Variants in ROBO2 observed in about 807,000 individuals in gnomAD.
ROBO2 encodes the protein roundabout homolog 2.
ROBO2 carries 53 observed loss-of-function variants against 160.8 expected under a neutral mutation model. That is an observed-to-expected ratio of 0.33 (90% confidence interval 0.26 to 0.41). The LOEUF (loss-of-function observed/expected upper bound fraction) is 0.41, where lower values mean the gene tolerates loss of function less well. Among genes scored for constraint, ROBO2 ranks in the 10% least tolerant of loss-of-function variants. The probability of loss-of-function intolerance (pLI) is 1.00; values close to 1 mark genes in which losing one functional copy is unlikely to be tolerated. For missense variants in ROBO2, 1,577 were observed against 1,722.4 expected, an observed-to-expected ratio of 0.92 and a Z score of 1.49; for synonymous variants, 664 against 611.7, an observed-to-expected ratio of 1.09 and a Z score of -1.26.
intron 1 of ROBO2, among the ~76,000 whole-genome samples, chr3:75,931,011 G>A (rs1947508894): frequency 6.6e-6 from 1 of 152,182 alleles, no homozygotes; most frequent in African/African-American, 2.4e-5. Flanking sequence ...CTTTTCTGGT[G>A]TACTTGGACT....
At chr3:77,352,412 A>G (rs2068480448) in intron 2 of ROBO2, among the ~76,000 whole-genome samples, 1 of 152,154 alleles carries the variant, frequency 6.6e-6, no homozygotes, top group Non-Finnish European at 1.5e-5. Flanking sequence ...TCCTGTGTCT[A>G]TACACAGCAG....
chr3:76,394,481 C>A lies in ROBO2; in HGVS notation c.109+456879C>A, dbSNP rs574348176. Among the ~76,000 whole-genome samples the A allele has an allele frequency of 3.3e-5, 5 of 152,036 alleles. No homozygotes were observed. The East Asian group carries it at 7.7e-4, about 24-fold the overall frequency. ...CTCTTCTGGCTTGTAGAGTTTCTGC[C>A]GAGAGATCAGCTGTTAGTCTGATGG... On this transcript the variant is annotated intron_variant, in intron 2 of 26. Coordinates refer to the ROBO2 transcript ENST00000487694.
At chr3:77,464,877 G>T (rs183865359) in intron 2 of ROBO2, among the ~76,000 whole-genome samples, 11 of 152,276 alleles carry the variant, frequency 7.2e-5, no homozygotes, top group Admixed American at 2.6e-4. Flanking sequence ...TAAAGCAAAG[G>T]TCTTTCCTTT....
intron 2 of ROBO2, among the ~76,000 whole-genome samples, chr3:76,611,507 T>C (rs2088123365): frequency 6.6e-6 from 1 of 152,170 alleles, no homozygotes; most frequent in Non-Finnish European, 1.5e-5. Context: ...GTAGGATGTA[T>C]GTGTCTAGGA....
chr3:76,792,520 AT>A (rs2108748120), intron 2 of ROBO2, among the ~76,000 whole-genome samples: 1 of 151,638 alleles, frequency 6.6e-6, no homozygotes, highest in South Asian at 2.1e-4. Context: ...CTCCATTATC[AT>A]TTTCTGGGGG....
At chr3:77,558,305 G>A (rs1353388241) in intron 9 of ROBO2, among the ~76,000 whole-genome samples, 156 bp downstream of exon 10, 2 of 151,990 alleles carry the variant, frequency 1.3e-5, no homozygotes, top group Non-Finnish European at 2.9e-5. Flanking sequence ...ATGATGAAAT[G>A]AAATTAGAGG....
chr3:77,223,407 A>G lies in ROBO2; in HGVS notation c.388+125067A>G, dbSNP rs531094545. ...CCTAGGAGAAGAGAACAACTAAAACAGGCGCAATAAACATTTTTCTTTTTC... is the reference window on the plus strand; with the variant it reads ...CCTAGGAGAAGAGAACAACTAAAACGGGCGCAATAAACATTTTTCTTTTTC... On this transcript the variant is annotated intron_variant, in intron 2 of 25. Transcript: ENST00000461745. Among the ~76,000 whole-genome samples the G allele has an allele frequency of 7.2e-5, 11 of 152,250 alleles. No individual in the cohort carries two copies. In the South Asian group the frequency reaches 2.3e-3, roughly 32 times the overall value.
At chr3:77,114,467 G>A (rs1194933417) in intron 2 of ROBO2, among the ~76,000 whole-genome samples, 4 of 151,866 alleles carry the variant, frequency 2.6e-5, no homozygotes, top group Non-Finnish European at 5.9e-5. Context: ...CTTATAGTTG[G>A]CAAGTAATTG....
intron 2 of ROBO2, among the ~76,000 whole-genome samples, chr3:76,889,425 C>T (rs1226112383): frequency 1.3e-5 from 2 of 151,990 alleles, no homozygotes; most frequent in Non-Finnish European, 2.9e-5. Flanking sequence ...AGGGATGATT[C>T]CTATTTTAGG....
intron 2 of ROBO2, among the ~76,000 whole-genome samples, chr3:77,335,102 A>G (rs752155769): frequency 3.3e-5 from 5 of 152,190 alleles, no homozygotes; most frequent in Non-Finnish European, 7.4e-5. Flanking sequence ...AGCAGATCAG[A>G]CTTTACACCT....
chr3:76,757,416 C>A (rs563491217), intron 2 of ROBO2, among the ~76,000 whole-genome samples: 1 of 151,914 alleles, frequency 6.6e-6, no homozygotes, highest in East Asian at 2.0e-4. Flanking sequence ...TTGTGCTATG[C>A]CTCTTCCATG....
At chr3:76,002,126 G>A (rs1207899062) in intron 2 of ROBO2, among the ~76,000 whole-genome samples, 1 of 152,168 alleles carries the variant, frequency 6.6e-6, no homozygotes, top group Non-Finnish European at 1.5e-5. Context: ...TCCAGTAGCT[G>A]TGAATGTGAC....
chr3:76,823,367 C>T (rs1229527136), intron 2 of ROBO2, among the ~76,000 whole-genome samples: 1 of 152,032 alleles, frequency 6.6e-6, no homozygotes, highest in Admixed American at 6.6e-5. Context: ...TTTAGAGAAC[C>T]TGGTTAGAAA....
chr3:77,123,660 G>A (rs552964861), intron 2 of ROBO2, among the ~76,000 whole-genome samples: 117 of 151,028 alleles, frequency 7.7e-4, no homozygotes, highest in Middle Eastern at 3.5e-3. Flanking sequence ...AATGATAAAC[G>A]TAGGTAAGGG....
chr3:76,888,631 T>C (rs907342118), intron 2 of ROBO2, among the ~76,000 whole-genome samples: 2 of 152,204 alleles, frequency 1.3e-5, no homozygotes, highest in African/African-American at 4.8e-5. Flanking sequence ...AATTGTGTTA[T>C]CTAGGTTGTG....
At chr3:77,501,571 C>T (rs1201856468) in intron 5 of ROBO2, among the ~76,000 whole-genome samples, 2 of 152,166 alleles carry the variant, frequency 1.3e-5, no homozygotes, top group African/African-American at 4.8e-5. Context: ...TGTAACATGT[C>T]TGAGTACCAG....
At chr3:77,214,192 C>T (rs546026092) in intron 2 of ROBO2, among the ~76,000 whole-genome samples, 7 of 152,148 alleles carry the variant, frequency 4.6e-5, no homozygotes, top group African/African-American at 1.2e-4. Context: ...TAAAGTCTCC[C>T]ATTATTATTG....
intron 2 of ROBO2, among the ~76,000 whole-genome samples, chr3:77,193,463 A>T (rs55894936): frequency 8.9e-5 from 13 of 146,000 alleles, no homozygotes; most frequent in East Asian, 2.0e-4. Flanking sequence ...TTTTTTTTTT[A>T]AAGACAGGGT....
intron 2 of ROBO2, among the ~76,000 whole-genome samples, chr3:77,404,079 A>G (rs1015448571): frequency 6.6e-6 from 1 of 152,330 alleles, no homozygotes; most frequent in East Asian, 1.9e-4. Context: ...ATAATTCCTC[A>G]TAACACTGAG....
Sources: allele counts gnomAD v4.1 joint callset (sites outside exome capture counted in the v4.1 genomes callset), GRCh38; gene constraint gnomAD v4.1.1; transcripts MANE v1.5; gene names NCBI Gene and HGNC (gene_info 2026-07-23, HGNC 2026-07-21).